MCTP2: variants seen among roughly 807,000 people sequenced by gnomAD.
The protein encoded by MCTP2 is multiple C2 and transmembrane domain containing 2.
Under a neutral mutation model 111.6 loss-of-function variants are expected in MCTP2, and 132 were observed. That is an observed-to-expected ratio of 1.18 (90% CI 1.03 to 1.37). MCTP2 has a LOEUF of 1.37. Ranked by LOEUF, MCTP2 falls within the 40% of genes most tolerant of loss-of-function variation. MCTP2 has a pLI of 0.00. For synonymous variants in MCTP2, 395 were observed against 387.7 expected (o/e 1.02, Z -0.22); for missense variants, 1,183 against 1,067.9 (o/e 1.11, Z -1.50).
intron 1 of MCTP2, among the ~76,000 whole-genome samples, chr15:94,246,560 C>T (rs1399535299): frequency 2.0e-5 from 3 of 152,126 alleles, no homozygotes; most frequent in Admixed American, 6.6e-5. Context: ...TGTTTACCTC[C>T]CTTAATAGAA....
intron 19 of MCTP2, among the ~76,000 whole-genome samples, chr15:94,445,643 A>G (rs2084073677): frequency 6.6e-6 from 1 of 152,178 alleles, no homozygotes. Context: ...AGACCAGGAC[A>G]TGCAGTCACT....
At chr15:94,257,581 T>TTTTTTTTTTTC (rs2072890267) in intron 1 of MCTP2, among the ~76,000 whole-genome samples, 1 of 19,852 alleles carries the variant, frequency 5.0e-5, no homozygotes, top group Non-Finnish European at 1.1e-4. Flanking sequence ...TTTTTTTTTT[T>TTTTTTTTTTTC]TTTTTTTTTT....
At chr15:94,262,568 G>A (rs1179290058) in intron 1 of MCTP2, among the ~76,000 whole-genome samples, 4 of 152,094 alleles carry the variant, frequency 2.6e-5, no homozygotes, top group African/African-American at 9.7e-5. Context: ...GCTTCTCAAA[G>A]CATATTTTAG....
intron 11 of MCTP2, among the ~76,000 whole-genome samples, chr15:94,368,071 A>G (rs2079293496): frequency 1.3e-5 from 2 of 152,202 alleles, no homozygotes; most frequent in Non-Finnish European, 2.9e-5. Flanking sequence ...TGAAATCCCC[A>G]GGGAAGCAGA....
At chr15:94,364,665 G>T (rs2079097695) in intron 10 of MCTP2, among the ~76,000 whole-genome samples, 1 of 152,168 alleles carries the variant, frequency 6.6e-6, no homozygotes, top group Non-Finnish European at 1.5e-5. Context: ...CTTTTGGGAG[G>T]TTGGATGAAT....
chr15:94,475,988 G>A (rs1009630479), intron 21 of MCTP2, among the ~76,000 whole-genome samples: 18 of 152,150 alleles, frequency 1.2e-4, no homozygotes, highest in Admixed American at 3.3e-4. Flanking sequence ...ACGCACCGAC[G>A]TTGTGATCCA....
At chr15:94,289,723 G>A (rs1408603034) in intron 1 of MCTP2, among the ~76,000 whole-genome samples, 4 of 152,100 alleles carry the variant, frequency 2.6e-5, no homozygotes, top group Non-Finnish European at 4.4e-5. Flanking sequence ...TATATTATGG[G>A]AGAAGAGACC....
chr15:94,288,380 A>T (rs1372345283), intron 1 of MCTP2, among the ~76,000 whole-genome samples: 4 of 152,196 alleles, frequency 2.6e-5, no homozygotes, highest in Non-Finnish European at 5.9e-5. Flanking sequence ...CGTACCAATG[A>T]CTTTGAGAAT....
At chr15:94,353,420 A>G (rs182628108) in intron 8 of MCTP2, among the ~76,000 whole-genome samples, 4 of 152,322 alleles carry the variant, frequency 2.6e-5, no homozygotes, top group African/African-American at 4.8e-5. Flanking sequence ...CACAGAGCTC[A>G]TAGAGCTAAG....
rs373424062 is a variant in MCTP2 at position 94,436,685 on chromosome 15, T to C, written c.2086-3491T>C. 3.9e-5 allele frequency among the ~76,000 whole-genome samples: 6 copies of C among 152,158 alleles called. No homozygotes were observed. The East Asian group carries it at 5.8e-4, about 15-fold the overall frequency. ...TGTTCAAGTAATTTTTTCAAAGACATACATAGTTTTATAATGAAGAAAATA... is the reference window on the plus strand; with the variant it reads ...TGTTCAAGTAATTTTTTCAAAGACACACATAGTTTTATAATGAAGAAAATA... On this transcript the variant is annotated intron_variant, in intron 17 of 22. Coordinates refer to ENST00000357742, the MANE Select transcript of MCTP2 (RefSeq NM_001385001.1).
At chr15:94,449,624 A>C (rs2084322460) in intron 19 of MCTP2, among the ~76,000 whole-genome samples, 1 of 152,234 alleles carries the variant, frequency 6.6e-6, no homozygotes, top group Non-Finnish European at 1.5e-5. Flanking sequence ...TTCTGCTTTC[A>C]TCAAGGTTTG....
intron 20 of MCTP2, among the ~76,000 whole-genome samples, chr15:94,463,879 G>A (rs2085362179): frequency 6.6e-6 from 1 of 151,910 alleles, no homozygotes; most frequent in South Asian, 2.1e-4. Context: ...GAATTATTTT[G>A]ATTGGTTTTC....
intron 1 of MCTP2, among the ~76,000 whole-genome samples, chr15:94,244,364 A>G (rs2071544884): frequency 1.3e-5 from 2 of 149,622 alleles, no homozygotes; most frequent in South Asian, 4.2e-4. Context: ...ATACATATGT[A>G]TATATACGTA....
intron 17 of MCTP2, chr15:94,402,822 CACTATAAAA>C (rs1026923026): frequency 3.7e-6 from 5 of 1,339,062 alleles, no homozygotes; most frequent in African/African-American, 1.5e-5. Context: ...GTGCAAAGAT[CACTATAAAA>C]ACTAATACGA....
intron 4 of MCTP2, among the ~76,000 whole-genome samples, chr15:94,332,462 T>C (rs1033759175): frequency 1.3e-5 from 2 of 152,186 alleles, no homozygotes; most frequent in Non-Finnish European, 2.9e-5. Context: ...ATTTAAAATA[T>C]ATACGTTTTA....
chr15:94,398,644 G>A (rs1393535060), intron 14 of MCTP2, among the ~76,000 whole-genome samples: 1 of 152,110 alleles, frequency 6.6e-6, no homozygotes, highest in Non-Finnish European at 1.5e-5. Context: ...GTCTTGAAGA[G>A]TATTGGCCAG....
At chr15:94,437,058 G>T (rs541030655) in intron 17 of MCTP2, among the ~76,000 whole-genome samples, 1 of 147,236 alleles carries the variant, frequency 6.8e-6, no homozygotes, top group Admixed American at 7.0e-5. Flanking sequence ...TTAAATAAAG[G>T]AAAGTTGATG....
chr15:94,450,625 CAT>C (rs947771425), intron 19 of MCTP2, among the ~76,000 whole-genome samples: 5 of 152,118 alleles, frequency 3.3e-5, no homozygotes, highest in African/African-American at 1.2e-4. Context: ...ACAGACCAAA[CAT>C]ATTCTTATTT....
At chr15:94,319,965 A>G (rs189095996) in intron 4 of MCTP2, among the ~76,000 whole-genome samples, 1 of 152,290 alleles carries the variant, frequency 6.6e-6, no homozygotes, top group African/African-American at 2.4e-5. Context: ...ACAGACTCAG[A>G]TGGCATTTGT....
Sources: allele counts gnomAD v4.1 joint callset (sites outside exome capture counted in the v4.1 genomes callset), GRCh38; gene constraint gnomAD v4.1.1; transcripts MANE v1.5; gene names NCBI Gene and HGNC (gene_info 2026-07-23, HGNC 2026-07-21).